The following DNAH17 variants were observed in gnomAD, a reference collection of about 807,000 sequenced individuals.
The protein encoded by DNAH17 is dynein axonemal heavy chain 17.
A neutral mutation model predicts 485.6 loss-of-function variants in DNAH17; 376 were observed. The ratio of observed to expected loss-of-function variants is 0.77; its 90% CI spans 0.71 to 0.84. DNAH17 has a LOEUF of 0.84. Ranked by LOEUF, DNAH17 falls within the 40% of genes least tolerant of loss-of-function variation. The pLI is 0.00. For synonymous variants in DNAH17, 3,031 were observed against 2,405.9 expected (o/e 1.26, Z -7.60); for missense variants, 6,370 against 5,839.3 (o/e 1.09, Z -2.96).
In DNAH17 at chr17:78,447,249, G is replaced by A. The variant is rs186583336; in HGVS notation, c.11212-1569C>T. Reference sequence around the variant, plus strand: ...GCCTCATCTGGCTTTTGGCTGCTGCGATTAATGCTGTTGTGAATGCTGATG... The same window carrying A: ...GCCTCATCTGGCTTTTGGCTGCTGCAATTAATGCTGTTGTGAATGCTGATG... On this transcript the variant is annotated intron_variant, in intron 69 of 80. Transcript: ENST00000389840. Among the ~76,000 whole-genome samples, 5 of 152,300 alleles carry A rather than the reference G, an allele frequency of 3.3e-5. No individual in the cohort carries two copies. In the East Asian group the frequency reaches 5.8e-4, roughly 18 times the overall value.
intron 16 of DNAH17, 136 bp downstream of exon 16, chr17:78,551,399 G>A (rs796408415): frequency 2.0e-5 from 14 of 704,530 alleles, no homozygotes; most frequent in African/African-American, 1.8e-4. Flanking sequence ...TCCTACCGGT[G>A]GAGAGCACTG....
chr17:78,481,544 G>C lies in DNAH17; in HGVS notation c.7650-758C>G, dbSNP rs189266007. ...CCCCTAAGCAGTGCTGGGGCTCTGG[G>C]AAGTTGGTTAACATCTCTGTGCCTT... On this transcript the variant is annotated intron_variant, in intron 48 of 80. Coordinates refer to ENST00000389840, the MANE Select transcript of DNAH17 (RefSeq NM_173628.4). 8.5e-4 allele frequency among the ~76,000 whole-genome samples: 130 copies of C among 152,292 alleles called. 3 individuals carry two copies. The East Asian group carries it at 0.014, about 16-fold the overall frequency.
At position 78,459,654 on chromosome 17, in the gene DNAH17, G is replaced by A; in HGVS notation, c.9653+130C>T. On this transcript the variant is annotated intron_variant, in intron 60 of 80. Transcript: ENST00000389840. ...AGCTGTGTTCTTGGGGTGCTGTATGGGGAAGGGGCTGCCTAGATTTTGAGC... is the reference window on the plus strand; with the variant it reads ...AGCTGTGTTCTTGGGGTGCTGTATGAGGAAGGGGCTGCCTAGATTTTGAGC... 3.1e-6 allele frequency: 3 copies of A among 973,814 alleles called. No individual in the cohort carries two copies. The South Asian group carries it at 4.7e-5, about 15-fold the overall frequency. The allele number at this position is 973,814 out of a possible 1,614,324, so 60.3% of individuals were successfully genotyped here. A position where few individuals can be genotyped will look rare whatever the true frequency, so the allele number is the denominator to read the frequency against.
intron 61 of DNAH17, 152 bp downstream of exon 61, chr17:78,458,849 C>T: frequency 1.9e-6 from 2 of 1,055,320 alleles, no homozygotes; most frequent in East Asian, 5.1e-5. Context: ...CTCCCGGCAC[C>T]ATCTGGCCCC....
At position 78,532,705 on chromosome 17, in the gene DNAH17, T is replaced by A; in HGVS notation, c.2891A>T (p.Glu964Val). 1 of 1,593,502 alleles carries A rather than the reference T, an allele frequency of 6.3e-7. No individual in the cohort carries two copies. The highest frequency in any genetic ancestry group is 2.3e-5 in the East Asian group (1 of 44,424). The change falls in exon 20 of 81, where the codon GAG becomes GTG. Residue 964 changes from glutamate (E) to valine (V), a missense_variant. Physicochemically the swap from Glu to Val is moderately radical, Grantham distance 121. Coordinates refer to ENST00000389840, the MANE Select transcript of DNAH17 (RefSeq NM_173628.4). ...MDLEDNTDLI[E>V]MREEVSSLVI... is the part of the protein sequence containing the mutation. ...CAGGCTGGACACCTCCTCCCTCATC[T>A]CTATGAGGTCTGTGTTATCTTCCAG... is the stretch of plus-strand genomic sequence containing the variant.
At chr17:78,548,726 C>A (rs528117132) in intron 16 of DNAH17, among the ~76,000 whole-genome samples, 1 of 152,328 alleles carries the variant, frequency 6.6e-6, no homozygotes, top group South Asian at 2.1e-4. Flanking sequence ...GATTCCAGGC[C>A]TGATGGACTG....
intron 42 of DNAH17, 76 bp from the exon 43 acceptor site, chr17:78,491,646 CCT>C (rs1247136742): frequency 2.0e-5 from 31 of 1,535,526 alleles, no homozygotes; most frequent in Non-Finnish European, 2.5e-5. Flanking sequence ...CTGACCCTGG[CCT>C]CTCTCTCTGG....
chr17:78,452,767 AGAGCCAG>A (rs1568071201), intron 65 of DNAH17, among the ~76,000 whole-genome samples: 3 of 152,152 alleles, frequency 2.0e-5, no homozygotes, highest in Non-Finnish European at 4.4e-5. Flanking sequence ...CTGAGTAAAA[AGAGCCAG>A]ACACAAAAAG....
Position 78,455,311 on chromosome 17 carries a change from G to A in DNAH17, c.10170+333C>T, listed in dbSNP as rs1017967805. On this transcript the variant is annotated intron_variant, in intron 63 of 80. Transcript: ENST00000389840. ...CTGCTGGGACCTCCCCACATTTCCC[G>A]AGTGATGAGTAGGACTCCATTTTTT... is the stretch of plus-strand genomic sequence containing the variant. 3.5e-4 allele frequency among the ~76,000 whole-genome samples: 52 copies of A among 149,894 alleles called. 2 individuals are homozygous for A. The highest frequency in any genetic ancestry group is 1.2e-3 in the Admixed American group (18 of 14,852).
chr17:78,457,389 C>CAAA (rs201667302), intron 62 of DNAH17, among the ~76,000 whole-genome samples: 4,324 of 151,728 alleles, frequency 0.028, 85 homozygotes, highest in Middle Eastern at 0.082. Flanking sequence ...CAAAACAAAA[C>CAAA]AAAACAAAAA....
At chr17:78,517,410 G>A (rs908864841) in intron 25 of DNAH17, among the ~76,000 whole-genome samples, 5 of 152,178 alleles carry the variant, frequency 3.3e-5, no homozygotes, top group African/African-American at 1.2e-4. Context: ...GAAAACAGAT[G>A]AGTGACGAGG....
intron 75 of DNAH17, among the ~76,000 whole-genome samples, chr17:78,432,907 C>CCA (rs1555650520): frequency 8.4e-6 from 1 of 118,662 alleles, no homozygotes; most frequent in East Asian, 3.1e-4. Context: ...AACGTGCCCC[C>CCA]CCCCCCCGAC....
chr17:78,526,653 T>TA lies in DNAH17; in HGVS notation c.3708dup (p.Lys1237Ter), dbSNP rs1179190657. ...ATCTCACCCTTGAGCAAAAATACCT[T>TA]ATTCAGGGACTTGTAGGGGTTGGGG... is the stretch of plus-strand genomic sequence containing the variant. On this transcript the variant is annotated frameshift_variant, in exon 24 of 81. Coordinates refer to ENST00000389840, the MANE Select transcript of DNAH17 (RefSeq NM_173628.4). LOFTEE classifies it high-confidence loss of function. 10 of 1,599,590 alleles carry TA rather than the reference T, an allele frequency of 6.3e-6. No homozygotes were observed. The East Asian group carries it at 2.0e-4, about 32-fold the overall frequency.
At chr17:78,576,247 G>A (rs965668463) in intron 1 of DNAH17, among the ~76,000 whole-genome samples, 1 of 152,208 alleles carries the variant, frequency 6.6e-6, no homozygotes, top group African/African-American at 2.4e-5. Flanking sequence ...CCACGGAACA[G>A]GTTTATTTCA....
At chr17:78,506,668 G>T in intron 30 of DNAH17, 52 bp downstream of exon 30, 1 of 1,611,686 alleles carries the variant, frequency 6.2e-7, no homozygotes, top group Non-Finnish European at 8.5e-7. Flanking sequence ...TGCCCACCTG[G>T]GGTCTGGCAT....
intron 54 of DNAH17, among the ~76,000 whole-genome samples, chr17:78,473,436 C>G (rs1429227390): frequency 3.3e-5 from 5 of 150,044 alleles, no homozygotes; most frequent in African/African-American, 1.2e-4. Flanking sequence ...CCCAGCTACT[C>G]AGGAGGCTGA....
chr17:78,507,948 G>A, intron 27 of DNAH17, 143 bp from the exon 28 acceptor site: 4 of 746,664 alleles, frequency 5.4e-6, no homozygotes, highest in South Asian at 1.9e-5. Context: ...GGAGCCAAAG[G>A]CAGATCCAAC....
chr17:78,445,410 T>C, intron 70 of DNAH17, 148 bp downstream of exon 70: 1 of 1,147,794 alleles, frequency 8.7e-7, no homozygotes, highest in Non-Finnish European at 1.2e-6. Flanking sequence ...CATCTTGGTC[T>C]CCATCCCTAT....
In DNAH17 at chr17:78,512,940, CAAAAAAAA is replaced by C. The variant is rs57734613; in HGVS notation, c.4113+1826_4113+1833del. ...TGGGCAACAGAGAGAGACTCTAACT[CAAAAAAAA>C]AAAAAAAAAAAAAAAAGAATTAATG... is the stretch of plus-strand genomic sequence containing the variant. On this transcript the variant is annotated intron_variant, in intron 26 of 80. Transcript: ENST00000389840. 6.1e-3 allele frequency among the ~76,000 whole-genome samples: 505 copies of C among 83,304 alleles called. 3 individuals carry two copies. Among genetic ancestry groups the C allele is most frequent in the African/African-American group, 0.023 (444 of 19,448 alleles). 54.7% of individuals were successfully genotyped at this position (83,304 alleles called of 152,430 possible).
Sources: gnomAD v4.1 joint callset for allele counts (sites outside exome capture counted in the v4.1 genomes callset) on GRCh38, gnomAD v4.1.1 for gene constraint, MANE v1.5 for transcripts, NCBI Gene and HGNC (gene_info 2026-07-23, HGNC 2026-07-21) for gene names.